ZSWIM6: variants seen among roughly 807,000 people sequenced by gnomAD.
The protein encoded by ZSWIM6 is zinc finger SWIM-type containing 6, also known as zinc finger SWIM domain-containing protein 6.
ZSWIM6 carries 9 observed loss-of-function variants against 113.2 expected under a neutral mutation model. The observed-to-expected ratio is 0.08, with a 90% confidence interval of 0.05 to 0.14. The LOEUF is 0.14. Ranked by LOEUF, ZSWIM6 falls within the 10% of genes least tolerant of loss-of-function variation. ZSWIM6 has a pLI of 1.00. For synonymous variants in ZSWIM6, 611 were observed against 606.5 expected (o/e 1.01, Z -0.11); for missense variants, 1,162 against 1,552.2 (o/e 0.75, Z 4.22).
chr5:61,423,940 C>A (rs943569363), intron 1 of ZSWIM6, among the ~76,000 whole-genome samples: 2 of 152,316 alleles, frequency 1.3e-5, no homozygotes, highest in East Asian at 1.9e-4. Flanking sequence ...TCCTCTCCCC[C>A]GTAAATGAGC....
intron 1 of ZSWIM6, among the ~76,000 whole-genome samples, chr5:61,345,058 C>T (rs987112136): frequency 1.3e-5 from 2 of 151,926 alleles, no homozygotes; most frequent in African/African-American, 2.4e-5. Context: ...TTTCATTTTG[C>T]GGTGCCACCA....
rs1483596110 is a variant in ZSWIM6 at position 61,539,725 on chromosome 5, C to T, written c.2669C>T (p.Thr890Ile). Reference protein sequence around the residue: ...ATLMDSLPDITLLKVSLELGL... With the variant: ...ATLMDSLPDIILLKVSLELGL... ...CTCATGGACAGTTTGCCAGACATCA[C>T]TCTTTTGAAAGTGTCTCTGGAGCTG... Residue 890 changes from threonine (T) to isoleucine (I), a missense_variant, in exon 12 of 14, where the codon ACT becomes ATT. Around this residue, in one of 4 missense-constraint regions of ZSWIM6, gnomAD observed 620 missense variants for 804.6 expected, o/e 0.77. Transcript: ENST00000252744. 6 of 1,551,478 alleles carry T rather than the reference C, an allele frequency of 3.9e-6. No individual in the cohort carries two copies. Among genetic ancestry groups the T allele is most frequent in the Admixed American group, 3.9e-5 (2 of 50,974 alleles).
At chr5:61,392,786 AT>A (rs561666310) in intron 1 of ZSWIM6, among the ~76,000 whole-genome samples, 87 of 151,208 alleles carry the variant, frequency 5.8e-4, no homozygotes, top group African/African-American at 2.0e-3. Context: ...CTAATTTTGT[AT>A]TTTTAGTAGA....
chr5:61,452,794 C>T (rs1747112452), intron 1 of ZSWIM6, among the ~76,000 whole-genome samples: 1 of 152,160 alleles, frequency 6.6e-6, no homozygotes, highest in South Asian at 2.1e-4. Context: ...CCACTAATAT[C>T]CTTTTTCTCT....
At chr5:61,449,803 G>A (rs967289475) in intron 1 of ZSWIM6, among the ~76,000 whole-genome samples, 4 of 152,118 alleles carry the variant, frequency 2.6e-5, no homozygotes, top group Admixed American at 2.6e-4. Context: ...GGGTACTTTA[G>A]GACAGGAACA....
intron 4 of ZSWIM6, among the ~76,000 whole-genome samples, chr5:61,510,992 T>C (rs974060519): frequency 3.3e-5 from 5 of 152,138 alleles, no homozygotes; most frequent in Non-Finnish European, 7.4e-5. Context: ...TTCAGGCGTA[T>C]TGAAGGGAAA....
intron 2 of ZSWIM6, among the ~76,000 whole-genome samples, chr5:61,479,608 G>A (rs948506725): frequency 3.9e-5 from 6 of 152,180 alleles, no homozygotes; most frequent in South Asian, 2.1e-4. Flanking sequence ...CCACAATGGC[G>A]TTTCTCATAC....
intron 4 of ZSWIM6, among the ~76,000 whole-genome samples, chr5:61,500,267 C>T (rs1290450712): frequency 6.6e-6 from 1 of 151,954 alleles, no homozygotes; most frequent in Admixed American, 6.6e-5. Context: ...GCTGGGACTA[C>T]AGGCGCTGGT....
At chr5:61,373,399 A>G (rs1745306812) in intron 1 of ZSWIM6, among the ~76,000 whole-genome samples, 2 of 113,124 alleles carry the variant, frequency 1.8e-5, no homozygotes, top group South Asian at 2.6e-4. Flanking sequence ...TTTTTTTGAG[A>G]CGGAGTCTCG....
intron 1 of ZSWIM6, among the ~76,000 whole-genome samples, chr5:61,335,619 G>A (rs989756625): frequency 9.9e-5 from 15 of 152,224 alleles, no homozygotes; most frequent in Non-Finnish European, 2.9e-5. Context: ...AGAATACTTT[G>A]TTGATAGCAC....
chr5:61,411,318 A>G (rs1454936623), intron 1 of ZSWIM6, among the ~76,000 whole-genome samples: 1 of 152,236 alleles, frequency 6.6e-6, no homozygotes, highest in East Asian at 1.9e-4. Flanking sequence ...AATGACAACT[A>G]AGGTGAGCAC....
intron 1 of ZSWIM6, among the ~76,000 whole-genome samples, chr5:61,363,747 A>G (rs964500479): frequency 3.9e-5 from 6 of 152,184 alleles, no homozygotes; most frequent in Non-Finnish European, 8.8e-5. Flanking sequence ...AAAAAGGCAC[A>G]CAGTTTCTCA....
intron 2 of ZSWIM6, among the ~76,000 whole-genome samples, chr5:61,484,114 T>C (rs536196527): frequency 7.2e-5 from 11 of 152,248 alleles, no homozygotes; most frequent in African/African-American, 2.6e-4. Context: ...CACAGAAGAC[T>C]GGACCAAATT....
Position 61,439,846 on chromosome 5 carries a change from A to G in ZSWIM6, c.677-32835A>G, listed in dbSNP as rs1190151536. ...AAAGACCTTTGAAACGTTTTTCTAC[A>G]TTGGTGGTTTTTAAAGTTATCTATT... On this transcript the variant is annotated intron_variant, in intron 1 of 13. Coordinates refer to ENST00000252744, the MANE Select transcript of ZSWIM6 (RefSeq NM_020928.2). 2.6e-5 allele frequency among the ~76,000 whole-genome samples: 4 copies of G among 152,270 alleles called. No homozygotes were observed. The East Asian group carries it at 7.7e-4, about 29-fold the overall frequency.
intron 1 of ZSWIM6, among the ~76,000 whole-genome samples, chr5:61,445,653 A>G (rs991510473): frequency 1.3e-5 from 2 of 152,242 alleles, no homozygotes; most frequent in African/African-American, 2.4e-5. Context: ...CAAAATGACT[A>G]TTTATAGAAC....
chr5:61,486,163 C>T (rs1748015718), intron 2 of ZSWIM6, among the ~76,000 whole-genome samples: 1 of 152,116 alleles, frequency 6.6e-6, no homozygotes. Context: ...ACACTCCATG[C>T]CCTTCTGTAC....
chr5:61,333,063 G>A lies in ZSWIM6; in HGVS notation c.676+115G>A, dbSNP rs966692942. On this transcript the variant is annotated intron_variant, in intron 1 of 13. Coordinates refer to ENST00000252744, the MANE Select transcript of ZSWIM6 (RefSeq NM_020928.2). ...TAGTTCCGCGCGCGCCCGCACCCCTGCGGGTGTCCTCACTGGCCCGGACGG... is the reference window on the plus strand; with the variant it reads ...TAGTTCCGCGCGCGCCCGCACCCCTACGGGTGTCCTCACTGGCCCGGACGG... 10 of 1,024,058 alleles carry A rather than the reference G, an allele frequency of 9.8e-6. No individual in the cohort carries two copies. The African/African-American group carries it at 1.7e-4, about 18-fold the overall frequency. 63.4% of individuals were successfully genotyped at this position (1,024,058 alleles called of 1,614,324 possible). A position where few individuals can be genotyped will look rare whatever the true frequency, so the allele number is the denominator to read the frequency against.
At chr5:61,341,733 A>G (rs1349451691) in intron 1 of ZSWIM6, among the ~76,000 whole-genome samples, 2 of 152,118 alleles carry the variant, frequency 1.3e-5, no homozygotes, top group Non-Finnish European at 2.9e-5. Context: ...TTTAAAATAT[A>G]ATTTATTGTT....
At chr5:61,529,943 C>T (rs1415096853) in intron 7 of ZSWIM6, 109 bp from the exon 8 acceptor site, 1 of 952,924 alleles carries the variant, frequency 1.0e-6, no homozygotes. Context: ...GAATTCAGAA[C>T]TGGTTTATCA....
Sources: gnomAD v4.1 joint callset for allele counts (sites outside exome capture counted in the v4.1 genomes callset) on GRCh38, gnomAD v4.1.1 for gene constraint, gnomAD v4.1.1 regional missense constraint, MANE v1.5 for transcripts, NCBI Gene and HGNC (gene_info 2026-07-23, HGNC 2026-07-21) for gene names.